MAP3K6: variants seen among roughly 807,000 people sequenced by gnomAD.
MAP3K6 encodes the protein mitogen-activated protein kinase kinase kinase 6.
A neutral mutation model predicts 147.1 loss-of-function variants in MAP3K6; 105 were observed. That is an observed-to-expected ratio of 0.71 (90% CI 0.61 to 0.84). MAP3K6 has a LOEUF of 0.84. Ranked by LOEUF, MAP3K6 falls within the 40% of genes least tolerant of loss-of-function variation. The pLI is 0.00. For synonymous variants in MAP3K6, 695 were observed against 732.4 expected, an observed-to-expected ratio of 0.95 and a Z score of 0.82; for missense variants, 1,569 against 1,715.0, an observed-to-expected ratio of 0.91 and a Z score of 1.50.
rs573106470 is a variant in MAP3K6 at position 27,361,239 on chromosome 1, C to T, written c.1750G>A (p.Asp584Asn). 5 of 1,613,392 alleles carry T rather than the reference C, an allele frequency of 3.1e-6. No individual in the cohort carries two copies. The highest frequency in any genetic ancestry group is 4.2e-6 in the Non-Finnish European group (5 of 1,179,858). Reference sequence around the variant, plus strand: ...GCATAGAGGAAGCAGCAGCGCTCGTCGCGCTTTGAGGCGCTGGGAAGGGAT... The same window carrying T: ...GCATAGAGGAAGCAGCAGCGCTCGTTGCGCTTTGAGGCGCTGGGAAGGGAT... Reference protein sequence around the residue: ...SICGVSASKRDERCCFLYALP... With the variant: ...SICGVSASKRNERCCFLYALP... The change falls in exon 13 of 29, where the codon GAC becomes AAC. Residue 584 changes from aspartate (D) to asparagine (N), a missense_variant. Asp to Asn is a conservative substitution (Grantham distance 23). Transcript: ENST00000357582.
rs563940711 is a variant in MAP3K6 at position 27,360,786 on chromosome 1, G to C, written c.1973C>G (p.Thr658Arg). The C allele has an allele frequency of 1.9e-6, 3 of 1,612,714 alleles. No homozygotes were observed. The East Asian group carries it at 6.7e-5, about 36-fold the overall frequency. The change falls in exon 15 of 29, where the codon ACG (threonine) becomes AGG (arginine). Residue 658 changes from threonine (T) to arginine (R), a missense_variant. Transcript: ENST00000357582. The surrounding 1 kb of genome is among the most constrained non-coding windows in gnomAD (Gnocchi z 4.5). The part of the protein sequence containing the change: ...TGERLVLGKG[T>R]YGVVYAGRDR... The stretch of plus-strand genomic sequence containing the variant: ...GCGGCCCGCGTACACCACCCCATAC[G>C]TGCCCTTGCCCAGCACCAGCCGCTC...
intron 12 of MAP3K6, 21 bp from the exon 13 acceptor site, chr1:27,361,273 C>T (rs767139157): frequency 6.2e-7 from 1 of 1,613,492 alleles, no homozygotes; most frequent in Non-Finnish European, 8.5e-7. Flanking sequence ...ATGAAGAACC[C>T]AGTAAGCGTC....
In MAP3K6 at chr1:27,360,402, G is replaced by T. The variant is rs1235616747; in HGVS notation, c.2055-34C>A. On this transcript the variant is annotated intron_variant, in intron 15 of 28. Transcript: ENST00000357582. The surrounding 1 kb of genome is among the most constrained non-coding windows in gnomAD (Gnocchi z 4.5). ...AGGTAAGGGAGAGAGGAAAGGGACC[G>T]AGGTGGGCAGAGAAGCCCCGCCCAT... 1 of 1,599,130 alleles carries T rather than the reference G, an allele frequency of 6.3e-7. No individual in the cohort carries two copies. Among genetic ancestry groups the T allele is most frequent in the East Asian group, 2.2e-5 (1 of 44,638 alleles).
At position 27,361,194 on chromosome 1, in the gene MAP3K6, C is replaced by T. The variant is rs768560281; in HGVS notation, c.1795G>A (p.Val599Ile). 2 of 1,612,754 alleles carry T rather than the reference C, an allele frequency of 1.2e-6. No individual in the cohort carries two copies. Among genetic ancestry groups the T allele is most frequent in the Non-Finnish European group, 1.7e-6 (2 of 1,179,732 alleles). Residue 599 changes from valine (V) to isoleucine (I), a missense_variant, in exon 13 of 29, where the codon GTC becomes ATC. Coordinates refer to ENST00000357582, the MANE Select transcript of MAP3K6 (RefSeq NM_004672.5). The part of the protein sequence containing the change: ...FLYALPPAQD[V>I]QLCFPSVGHC... ...CCTACGCTGGGGAAGCACAGCTGGA[C>T]GTCCTGAGCCGGGGGGAGTGCATAG...
chr1:27,361,663 G>T lies in MAP3K6; in HGVS notation c.1579-36C>A, dbSNP rs756320003. 4.3e-6 allele frequency: 7 copies of T among 1,614,090 alleles called. No homozygotes were observed. In the South Asian group the frequency reaches 6.6e-5, roughly 15 times the overall value. The stretch of plus-strand genomic sequence containing the variant: ...TTGGGGAGTGGGGTCAGTCAGAAGG[G>T]GCTTACCCCTTTCCCGGGTCCACCA... On this transcript the variant is annotated intron_variant, in intron 10 of 28. Transcript: ENST00000357582.
Position 27,358,531 on chromosome 1 carries a change from C to T in MAP3K6, c.2664G>A (p.Glu888=), listed in dbSNP as rs1475098938. 2 of 1,610,764 alleles carry T rather than the reference C, an allele frequency of 1.2e-6. No homozygotes were observed. The highest frequency in any genetic ancestry group is 2.7e-5 in the African/African-American group (2 of 74,636). ...EAQAFLLRTF[E]PDPRLRASAQ... ...CGCTGGCTCGGAGGCGGGGGTCTGG[C>T]TCAAAAGTTCGGAGGAGAAAGGCTT... is the stretch of plus-strand genomic sequence containing the variant. The change falls in exon 20 of 29, where the codon GAG becomes GAA. Residue 888 remains glutamate, a synonymous_variant. Transcript: ENST00000357582. The surrounding 1 kb of genome is among the most constrained non-coding windows in gnomAD (Gnocchi z 6.2).
rs575870497 is a variant in MAP3K6 at position 27,358,171 on chromosome 1, T to C, written c.2915+10A>G. ...GCAAAAGGAACCCATCCCAGGAGCC[T>C]TGGTCTCACCGGAGCTGGCTGGTGC... On this transcript the variant is annotated intron_variant, in intron 21 of 28. Transcript: ENST00000357582. This position sits in a 1 kb window ranked among gnomAD's most constrained non-coding sequence, Gnocchi z 6.2. 6.4e-6 allele frequency: 10 copies of C among 1,573,188 alleles called. No homozygotes were observed. The African/African-American group carries it at 6.9e-5, about 11-fold the overall frequency.
Position 27,359,878 on chromosome 1 carries a change from T to C in MAP3K6, c.2299A>G (p.Ile767Val), listed in dbSNP as rs756708463. The change falls in exon 17 of 29, where the codon ATC (isoleucine) becomes GTC (valine). Residue 767 changes from isoleucine to valine, a missense_variant. Ile to Val is a conservative substitution (Grantham distance 29). Transcript: ENST00000357582. This position sits in a 1 kb window ranked among gnomAD's most constrained non-coding sequence, Gnocchi z 4.4. ...CTTACTTTTATGTCCCTGTGCACGATGTGGTTGTCGTGCAAGTAGCCAAGT... is the reference window on the plus strand; with the variant it reads ...CTTACTTTTATGTCCCTGTGCACGACGTGGTTGTCGTGCAAGTAGCCAAGT... ...QGLGYLHDNH[I>V]VHRDIKGDNV... The C allele has an allele frequency of 6.2e-7, 1 of 1,614,132 alleles. No homozygotes were observed. Among genetic ancestry groups the C allele is most frequent in the East Asian group, 2.2e-5 (1 of 44,874 alleles).
chr1:27,357,813 C>G lies in MAP3K6; in HGVS notation c.2979G>C (p.Leu993=). Residue 993 remains leucine (L), a synonymous_variant, in exon 22 of 29, where the codon CTG becomes CTC. Coordinates refer to ENST00000357582, the MANE Select transcript of MAP3K6 (RefSeq NM_004672.5). ...CCCGACGCTTGCTCTCCTGGTGCAGCAGGCTCAGCCCCGAACTCTCCTCCG... is the reference window on the plus strand; with the variant it reads ...CCCGACGCTTGCTCTCCTGGTGCAGGAGGCTCAGCCCCGAACTCTCCTCCG... ...ASPEESSGLS[L]LHQESKRRAM... 6.2e-7 allele frequency: 1 copy of G among 1,604,662 alleles called. No homozygotes were observed. The highest frequency in any genetic ancestry group is 8.5e-7 in the Non-Finnish European group (1 of 1,177,320).
intron 24 of MAP3K6, 99 bp from the exon 25 acceptor site, chr1:27,356,848 C>G: frequency 6.8e-7 from 1 of 1,472,972 alleles, no homozygotes; most frequent in Non-Finnish European, 9.1e-7. Context: ...CTGGGCAGGC[C>G]CCAGGCGGTG....
At chr1:27,365,675 C>T (rs1486041107) in intron 1 of MAP3K6, among the ~76,000 whole-genome samples, 1 of 151,330 alleles carries the variant, frequency 6.6e-6, no homozygotes. Flanking sequence ...CTTTCTGGGC[C>T]GCTGAGGCCA....
In MAP3K6 at chr1:27,364,740, T is replaced by G. The variant is rs1180318337; in HGVS notation, c.480+33A>C. 10 of 1,613,788 alleles carry G rather than the reference T, an allele frequency of 6.2e-6. No homozygotes were observed. The South Asian group carries it at 8.8e-5, about 14-fold the overall frequency. On this transcript the variant is annotated intron_variant, in intron 2 of 28. Coordinates refer to ENST00000357582, the MANE Select transcript of MAP3K6 (RefSeq NM_004672.5). This position sits in a 1 kb window ranked among gnomAD's most constrained non-coding sequence, Gnocchi z 4.4. ...TTCTGTGTAGGCCTTACCCCAGCCC[T>G]GTGCCTGCCTCCACCAGCCCCAGGC...
chr1:27,362,763 G>A lies in MAP3K6; in HGVS notation c.1143-10C>T, dbSNP rs748046089. 1 of 1,612,470 alleles carries A rather than the reference G, an allele frequency of 6.2e-7. No individual in the cohort carries two copies. Among genetic ancestry groups the A allele is most frequent in the South Asian group, 1.1e-5 (1 of 90,956 alleles). ...AAAAGCCTTGCGATACCTGGGGTGG[G>A]GGTAGGGGGCACAGGGCTGGACTGA... On this transcript the variant is annotated splice_polypyrimidine_tract_variant and intron_variant, in intron 7 of 28. Coordinates refer to ENST00000357582, the MANE Select transcript of MAP3K6 (RefSeq NM_004672.5).
chr1:27,356,894 C>T, intron 24 of MAP3K6, 115 bp downstream of exon 24: 1 of 1,406,578 alleles, frequency 7.1e-7, no homozygotes, highest in Non-Finnish European at 9.7e-7. Context: ...CACGCCCCCA[C>T]CGGCGCCTGC....
intron 23 of MAP3K6, 41 bp downstream of exon 23, chr1:27,357,359 C>T (rs375596452): frequency 3.2e-6 from 5 of 1,566,964 alleles, no homozygotes; most frequent in African/African-American, 1.4e-5. Flanking sequence ...GAACTCACTA[C>T]CTGTTGTTGG....
rs1439817417 is a variant in MAP3K6 at position 27,358,037 on chromosome 1, T to G, written c.2915+144A>C. 18 of 1,489,920 alleles carry G rather than the reference T, an allele frequency of 1.2e-5. No individual in the cohort carries two copies. Among genetic ancestry groups the G allele is most frequent in the Non-Finnish European group, 1.5e-5 (17 of 1,120,582 alleles). The allele number at this position is 1,489,920 out of a possible 1,614,324, so 92.3% of individuals were successfully genotyped here. A position where few individuals can be genotyped will look rare whatever the true frequency, so the allele number is the denominator to read the frequency against. On this transcript the variant is annotated intron_variant, in intron 21 of 28. Coordinates refer to ENST00000357582, the MANE Select transcript of MAP3K6 (RefSeq NM_004672.5). This position sits in a 1 kb window ranked among gnomAD's most constrained non-coding sequence, Gnocchi z 6.2. The stretch of plus-strand genomic sequence containing the variant: ...AGGACACAACAAGTCCAAGTTAGAG[T>G]TGCCAGAACAGGGCATGGGGAGGCA...
Position 27,364,425 on chromosome 1 carries a change from T to A in MAP3K6, c.505-31A>T. 1 of 1,611,306 alleles carries A rather than the reference T, an allele frequency of 6.2e-7. No homozygotes were observed. Among genetic ancestry groups the A allele is most frequent in the South Asian group, 1.1e-5 (1 of 90,908 alleles). Reference sequence around the variant, plus strand: ...GGGAGGGAGGCAGGAATCAGTGAGGTCAGAGGTCAGCACAGGGCTAGACAA... The same window carrying A: ...GGGAGGGAGGCAGGAATCAGTGAGGACAGAGGTCAGCACAGGGCTAGACAA... On this transcript the variant is annotated intron_variant, in intron 3 of 28. Coordinates refer to ENST00000357582, the MANE Select transcript of MAP3K6 (RefSeq NM_004672.5). The surrounding 1 kb of genome is among the most constrained non-coding windows in gnomAD (Gnocchi z 4.4).
chr1:27,357,163 G>T (rs1199861361), intron 23 of MAP3K6, 49 bp from the exon 24 acceptor site: 1 of 1,544,084 alleles, frequency 6.5e-7, no homozygotes, highest in South Asian at 1.1e-5. Flanking sequence ...TCAACTAGAG[G>T]CAGGGCTTGA....
intron 5 of MAP3K6, 105 bp downstream of exon 5, chr1:27,363,812 T>C: frequency 3.5e-6 from 4 of 1,151,224 alleles, no homozygotes; most frequent in Non-Finnish European, 4.8e-6. Context: ...CATTGGATAA[T>C]TTGCCCAAAG....
Sources: gnomAD v4.1 joint callset for allele counts (sites outside exome capture counted in the v4.1 genomes callset) on GRCh38, gnomAD v4.1.1 for gene constraint, Gnocchi (gnomAD v3.1) non-coding constraint, MANE v1.5 for transcripts, NCBI Gene and HGNC (gene_info 2026-07-23, HGNC 2026-07-21) for gene names.